Variants in TASOR observed in about 807,000 individuals in gnomAD.
TASOR encodes transcription activation suppressor.
Under a neutral mutation model 178.6 loss-of-function variants are expected in TASOR, and 53 were observed. The observed-to-expected ratio is 0.30, with a 90% CI of 0.24 to 0.37. The LOEUF is 0.37. TASOR is among the 10% of genes least tolerant of loss of function. The probability of loss-of-function intolerance (pLI) is 1.00; values close to 1 mark genes in which losing one functional copy is unlikely to be tolerated. For synonymous variants in TASOR, 713 were observed against 696.2 expected (o/e 1.02, Z -0.38); for missense variants, 1,815 against 1,971.4 (o/e 0.92, Z 1.50).
At chr3:56,630,873 C>A (rs2076896450) in intron 18 of TASOR, among the ~76,000 whole-genome samples, 1 of 128,594 alleles carries the variant, frequency 7.8e-6, no homozygotes, top group South Asian at 2.3e-4. Context: ...TTTAAAATGT[C>A]AAATAGGTAT....
intron 4 of TASOR, 110 bp from the exon 5 acceptor site, chr3:56,669,901 A>G: frequency 1.1e-6 from 1 of 951,504 alleles, no homozygotes; most frequent in Non-Finnish European, 1.6e-6. Context: ...GTGTTCAAAA[A>G]TCAGAAACAA....
chr3:56,660,885 T>C (rs751221898), intron 10 of TASOR, 29 bp downstream of exon 10: 12 of 1,606,788 alleles, frequency 7.5e-6, no homozygotes, highest in African/African-American at 6.7e-5. Flanking sequence ...CTGCTTCTAA[T>C]GCATTTCAAT....
intron 2 of TASOR, 142 bp downstream of exon 2, chr3:56,673,438 A>T (rs1253041175): frequency 8.5e-6 from 4 of 468,334 alleles, no homozygotes; most frequent in Non-Finnish European, 1.3e-5. Flanking sequence ...GTCTCCAAAA[A>T]AAAAAAAAAA....
chr3:56,623,947 G>A (rs1439378233), intron 23 of TASOR: 2 of 848,952 alleles, frequency 2.4e-6, no homozygotes, highest in Non-Finnish European at 3.6e-6. Context: ...AGCACTAAAT[G>A]AATGATCATT....
At position 56,633,833 on chromosome 3, in the gene TASOR, C is replaced by T. The variant is rs1050652618; in HGVS notation, c.2958G>A (p.Lys986=). ...TCAACACGTCATCCTCAGTGGTGCCCTTTAGTGTGTCTGTAAATGGAGAGG... is the reference window on the plus strand; with the variant it reads ...TCAACACGTCATCCTCAGTGGTGCCTTTTAGTGTGTCTGTAAATGGAGAGG... ...FPSSPFTDTL[K]GTTEDDVLTG... Residue 986 remains lysine, a synonymous_variant, in exon 18 of 24, where the codon AAG becomes AAA. Coordinates refer to ENST00000683822, the MANE Select transcript of TASOR (RefSeq NM_001365635.2). The T allele has an allele frequency of 1.2e-6, 2 of 1,613,874 alleles. No individual in the cohort carries two copies. The highest frequency in any genetic ancestry group is 2.7e-5 in the African/African-American group (2 of 74,902).
At position 56,631,572 on chromosome 3, in the gene TASOR, C is replaced by G. The variant is rs7434114; in HGVS notation, c.3747+1472G>C. ...CACAGAAAGGCGTGTGTGTGTGTGT[C>G]TGTGTTTTTTTGTTTTTTTTTTTTT... On this transcript the variant is annotated intron_variant, in intron 18 of 23. Coordinates refer to ENST00000683822, the MANE Select transcript of TASOR (RefSeq NM_001365635.2). Among the ~76,000 whole-genome samples, 7 of 125,162 alleles carry G rather than the reference C, an allele frequency of 5.6e-5. No homozygotes were observed. The South Asian group carries it at 8.7e-4, about 15-fold the overall frequency. 82.1% of individuals were successfully genotyped at this position (125,162 alleles called of 152,430 possible).
chr3:56,622,909 A>C lies in TASOR; in HGVS notation c.*128T>G. 1 of 534,906 alleles carries C rather than the reference A, an allele frequency of 1.9e-6. No homozygotes were observed. Among genetic ancestry groups the C allele is most frequent in the Non-Finnish European group, 3.2e-6 (1 of 312,590 alleles). 33.1% of individuals were successfully genotyped at this position (534,906 alleles called of 1,614,324 possible). ...AATTTTTAGATGCTTCAACTGTTAC[A>C]GGCCATCATGATTTAAATAAAAGAA... On this transcript the variant is annotated 3_prime_UTR_variant, in exon 24 of 24. Coordinates refer to ENST00000683822, the MANE Select transcript of TASOR (RefSeq NM_001365635.2).
intron 11 of TASOR, among the ~76,000 whole-genome samples, chr3:56,654,326 A>G (rs957124719): frequency 1.4e-5 from 2 of 147,856 alleles, no homozygotes; most frequent in Non-Finnish European, 3.0e-5. Context: ...CTCATTCATC[A>G]TCACAGATAC....
At position 56,621,438 on chromosome 3, in the gene TASOR, T is replaced by C; in HGVS notation, c.*1599A>G. The stretch of plus-strand genomic sequence containing the variant: ...AATGACAAAATTTTATCCTAAGCGA[T>C]ATGTTTTCCAAGTGAATATAATTCT... On this transcript the variant is annotated 3_prime_UTR_variant, in exon 24 of 24. Transcript: ENST00000683822. 1.2e-6 allele frequency: 1 copy of C among 856,244 alleles called. No homozygotes were observed. Among genetic ancestry groups the C allele is most frequent in the Non-Finnish European group, 1.8e-6 (1 of 568,664 alleles). 53.0% of individuals were successfully genotyped at this position (856,244 alleles called of 1,614,324 possible).
chr3:56,648,912 A>T lies in TASOR; in HGVS notation c.1442-19T>A, dbSNP rs372944488. ...TGATATTCTAAAAAACAGAAGCCAA[A>T]CTCATTAGCAATGTGTTTTAACTAA... On this transcript the variant is annotated intron_variant, in intron 12 of 23. Coordinates refer to ENST00000683822, the MANE Select transcript of TASOR (RefSeq NM_001365635.2). 5.6e-5 allele frequency: 90 copies of T among 1,608,296 alleles called. No homozygotes were observed. The Admixed American group carries it at 8.1e-4, about 14-fold the overall frequency.
At position 56,669,802 on chromosome 3, in the gene TASOR, C is replaced by A; in HGVS notation, c.644-11G>T. On this transcript the variant is annotated splice_polypyrimidine_tract_variant and intron_variant, in intron 4 of 23. Transcript: ENST00000683822. The stretch of plus-strand genomic sequence containing the variant: ...TAGAAAGATAGACACCTAGAAAAGA[C>A]GGAAAAATTAAGGAAACTGATTATA... The A allele has an allele frequency of 6.6e-7, 1 of 1,512,680 alleles. No individual in the cohort carries two copies. The highest frequency in any genetic ancestry group is 8.9e-7 in the Non-Finnish European group (1 of 1,127,322). 93.7% of individuals were successfully genotyped at this position (1,512,680 alleles called of 1,614,324 possible). A position where few individuals can be genotyped will look rare whatever the true frequency, so the allele number is the denominator to read the frequency against.
In TASOR at chr3:56,683,195, C is replaced by T. The variant is rs762416455; in HGVS notation, c.-189G>A. On this transcript the variant is annotated 5_prime_UTR_variant, in exon 1 of 24. Transcript: ENST00000683822. ...CCCTGTAGCGGGCACCCCAAATGCGCTGCCCGGTCCTCGGAGCCGCTCCTC... is the reference window on the plus strand; with the variant it reads ...CCCTGTAGCGGGCACCCCAAATGCGTTGCCCGGTCCTCGGAGCCGCTCCTC... 29 of 555,066 alleles carry T rather than the reference C, an allele frequency of 5.2e-5. No individual in the cohort carries two copies. The highest frequency in any genetic ancestry group is 8.0e-5 in the Non-Finnish European group (26 of 325,338). The allele number at this position is 555,066 out of a possible 1,614,324, so 34.4% of individuals were successfully genotyped here. A position where few individuals can be genotyped will look rare whatever the true frequency, so the allele number is the denominator to read the frequency against.
At chr3:56,625,285 C>T (rs1430639671) in intron 21 of TASOR, among the ~76,000 whole-genome samples, 1 of 152,162 alleles carries the variant, frequency 6.6e-6, no homozygotes, top group African/African-American at 2.4e-5. Flanking sequence ...TTATGATTAC[C>T]TTTATTAATT....
chr3:56,660,567 G>T (rs983915651), intron 11 of TASOR, among the ~76,000 whole-genome samples, 164 bp downstream of exon 11: 1 of 146,516 alleles, frequency 6.8e-6, no homozygotes, highest in Non-Finnish European at 1.5e-5. Flanking sequence ...CCAAATAAAA[G>T]AATACCAGAA....
intron 6 of TASOR, among the ~76,000 whole-genome samples, chr3:56,667,771 TA>T (rs1013884821): frequency 2.0e-5 from 3 of 152,220 alleles, no homozygotes; most frequent in Non-Finnish European, 4.4e-5. Flanking sequence ...CCCCCATCTC[TA>T]TTTAAAAAGA....
At chr3:56,649,146 G>A in intron 11 of TASOR, 89 bp from the exon 12 acceptor site, 2 of 918,236 alleles carry the variant, frequency 2.2e-6, no homozygotes, top group Non-Finnish European at 3.1e-6. Flanking sequence ...TAATTGTAAA[G>A]AAAAAAAGTT....
At chr3:56,634,494 C>T (rs11130536) in intron 17 of TASOR, among the ~76,000 whole-genome samples, 48,221 of 152,014 alleles carry the variant, frequency 0.32, 8,096 homozygotes, top group East Asian at 0.49. Context: ...TATCTGCTTT[C>T]AGACTTGTTC....
chr3:56,668,337 A>C, intron 6 of TASOR, 60 bp downstream of exon 6: 2 of 1,484,306 alleles, frequency 1.3e-6, no homozygotes, highest in Non-Finnish European at 1.8e-6. Flanking sequence ...GAGACATTTT[A>C]AAGGATTTGG....
At chr3:56,669,961 G>C in intron 4 of TASOR, 112 bp downstream of exon 4, 1 of 913,062 alleles carries the variant, frequency 1.1e-6, no homozygotes, top group Non-Finnish European at 1.6e-6. Context: ...TCTTTTTCTG[G>C]GAACATAATA....
Sources: gnomAD v4.1 joint callset for allele counts (sites outside exome capture counted in the v4.1 genomes callset) on GRCh38, gnomAD v4.1.1 for gene constraint, MANE v1.5 for transcripts, NCBI Gene and HGNC (gene_info 2026-07-23, HGNC 2026-07-21) for gene names.